Variants in RBFOX1 observed in about 807,000 individuals in gnomAD.
RBFOX1 encodes RNA binding protein fox-1 homolog 1.
A neutral mutation model predicts 57.7 loss-of-function variants in RBFOX1; 8 were observed. The observed-to-expected ratio is 0.14, with a 90% CI of 0.08 to 0.25. RBFOX1 has a LOEUF of 0.25. Ranked by LOEUF, RBFOX1 falls within the 10% of genes least tolerant of loss-of-function variation. The pLI is 1.00. For missense variants in RBFOX1, 611 were observed against 548.5 expected (o/e 1.11, Z -1.14); for synonymous variants, 326 against 222.4 (o/e 1.47, Z -4.15).
intron 1 of RBFOX1, among the ~76,000 whole-genome samples, chr16:6,034,233 G>A (rs983067707): frequency 2.0e-5 from 3 of 148,468 alleles, no homozygotes; most frequent in Non-Finnish European, 3.0e-5. Context: ...TACTTGGGAG[G>A]CTGAGGCAGA....
chr16:6,729,869 G>T (rs896609687), intron 3 of RBFOX1, among the ~76,000 whole-genome samples: 2 of 152,160 alleles, frequency 1.3e-5, no homozygotes, highest in Non-Finnish European at 2.9e-5. Context: ...GAAGAAAGCT[G>T]CTTAGAAACG....
At chr16:6,201,609 A>C (rs1415889752) in intron 1 of RBFOX1, among the ~76,000 whole-genome samples, 1 of 152,146 alleles carries the variant, frequency 6.6e-6, no homozygotes, top group Non-Finnish European at 1.5e-5. Flanking sequence ...TGGTGTCATA[A>C]TAGGGTGAGT....
chr16:5,773,767 G>A (rs938289695), intron 3 of RBFOX1, among the ~76,000 whole-genome samples: 4 of 151,494 alleles, frequency 2.6e-5, no homozygotes, highest in African/African-American at 7.3e-5. Flanking sequence ...GTGTGATCTC[G>A]GCTCACTGCA....
At chr16:5,414,932 GT>G (rs938734937) in intron 1 of RBFOX1, among the ~76,000 whole-genome samples, 6 of 152,122 alleles carry the variant, frequency 3.9e-5, no homozygotes, top group Non-Finnish European at 8.8e-5. Context: ...GTCCATGCCT[GT>G]TTTTTACCCT....
intron 2 of RBFOX1, among the ~76,000 whole-genome samples, chr16:5,580,891 C>T (rs1044202072): frequency 1.8e-4 from 28 of 152,258 alleles, no homozygotes; most frequent in African/African-American, 6.5e-4. Flanking sequence ...CATGCATCCA[C>T]GCTGGTCCTT....
intron 3 of RBFOX1, among the ~76,000 whole-genome samples, chr16:6,728,626 C>T (rs2067803124): frequency 6.6e-6 from 1 of 152,130 alleles, no homozygotes. Context: ...ATTGGAGCTG[C>T]CCCACGCTGG....
chr16:6,669,076 C>G (rs1235544898), intron 3 of RBFOX1, among the ~76,000 whole-genome samples: 3 of 152,142 alleles, frequency 2.0e-5, no homozygotes, highest in African/African-American at 7.2e-5. Flanking sequence ...CATGCCCTAT[C>G]CAAATGTGAT....
At chr16:7,184,533 A>T (rs138356161) in intron 4 of RBFOX1, among the ~76,000 whole-genome samples, 1 of 152,206 alleles carries the variant, frequency 6.6e-6, no homozygotes, top group African/African-American at 2.4e-5. Context: ...AAGTTAGCCA[A>T]GTGATTGAAG....
rs150285014 is a variant in RBFOX1 at position 7,679,035 on chromosome 16, C to A, written c.995+2197C>A. ...TTGCTGTGGAAATTGATAACTATTC[C>A]TATTTAACTTTATCATAAGCAAGAC... On this transcript the variant is annotated intron_variant, in intron 14 of 15. Coordinates refer to ENST00000550418, the MANE Select transcript of RBFOX1 (RefSeq NM_018723.4). Among the ~76,000 whole-genome samples, 22 of 152,276 alleles carry A rather than the reference C, an allele frequency of 1.4e-4. 1 individual carries two copies. In the East Asian group the frequency reaches 4.2e-3, roughly 29 times the overall value.
chr16:6,450,426 T>C (rs1029150350), intron 2 of RBFOX1, among the ~76,000 whole-genome samples: 1 of 151,944 alleles, frequency 6.6e-6, no homozygotes, highest in Non-Finnish European at 1.5e-5. Flanking sequence ...GGTTATTTAT[T>C]GGTTTATTTT....
chr16:6,743,447 C>A (rs567730708), intron 3 of RBFOX1, among the ~76,000 whole-genome samples: 1 of 152,176 alleles, frequency 6.6e-6, no homozygotes, highest in African/African-American at 2.4e-5. Context: ...TATAAAGACA[C>A]AAATATGTTG....
intron 10 of RBFOX1, among the ~76,000 whole-genome samples, chr16:7,625,835 C>G (rs1329563819): frequency 6.6e-6 from 1 of 152,156 alleles, no homozygotes; most frequent in Non-Finnish European, 1.5e-5. Flanking sequence ...TGTAGCATGG[C>G]TGCCTATCAG....
intron 2 of RBFOX1, among the ~76,000 whole-genome samples, chr16:6,595,196 A>G (rs1233866427): frequency 6.6e-6 from 1 of 152,126 alleles, no homozygotes; most frequent in Non-Finnish European, 1.5e-5. Flanking sequence ...TGTCCCCATT[A>G]GTACTCACAC....
At chr16:5,846,028 C>G (rs1268533241) in intron 3 of RBFOX1, among the ~76,000 whole-genome samples, 1 of 151,836 alleles carries the variant, frequency 6.6e-6, no homozygotes, top group Non-Finnish European at 1.5e-5. Flanking sequence ...CAAAAATTAC[C>G]CAGGCATGGA....
At chr16:6,159,635 T>A (rs1203009132) in intron 1 of RBFOX1, among the ~76,000 whole-genome samples, 1 of 152,174 alleles carries the variant, frequency 6.6e-6, no homozygotes, top group Non-Finnish European at 1.5e-5. Flanking sequence ...CCATTGACCT[T>A]CCCACGTCTC....
intron 5 of RBFOX1, among the ~76,000 whole-genome samples, chr16:7,545,812 G>C (rs925851205): frequency 2.0e-5 from 3 of 152,076 alleles, no homozygotes; most frequent in African/African-American, 7.2e-5. Flanking sequence ...TTCTGACACT[G>C]AATAACCATC....
intron 4 of RBFOX1, among the ~76,000 whole-genome samples, chr16:7,239,595 A>T (rs1416684509): frequency 1.3e-5 from 2 of 152,196 alleles, no homozygotes; most frequent in African/African-American, 4.8e-5. Flanking sequence ...AAAGAATAAA[A>T]GAAAAACAGA....
intron 4 of RBFOX1, among the ~76,000 whole-genome samples, chr16:7,405,139 A>C (rs906384102): frequency 3.3e-5 from 5 of 152,244 alleles, no homozygotes; most frequent in East Asian, 3.8e-4. Context: ...AAAAATCTCC[A>C]GTGAGGCTGC....
intron 13 of RBFOX1, among the ~76,000 whole-genome samples, chr16:7,665,355 G>A (rs897601715): frequency 6.6e-6 from 1 of 152,140 alleles, no homozygotes; most frequent in Non-Finnish European, 1.5e-5. Context: ...AGGGTTAAAA[G>A]ATATTTTCAT....
Sources: gnomAD v4.1 joint callset for allele counts (sites outside exome capture counted in the v4.1 genomes callset) on GRCh38, gnomAD v4.1.1 for gene constraint, MANE v1.5 for transcripts, NCBI Gene and HGNC (gene_info 2026-07-23, HGNC 2026-07-21) for gene names.